The following MCHR1 variants were observed in gnomAD, a reference collection of about 807,000 sequenced individuals.
MCHR1 encodes melanin-concentrating hormone receptor 1.
MCHR1 carries 13 observed loss-of-function variants against 20.4 expected under a neutral mutation model. The observed-to-expected ratio is 0.64, with a 90% CI of 0.41 to 1.01. MCHR1 has a LOEUF of 1.01. Ranked by LOEUF, MCHR1 falls within the 50% of genes least tolerant of loss-of-function variation. MCHR1 has a pLI of 0.00. For synonymous variants in MCHR1, 215 were observed against 204.4 expected (o/e 1.05, Z -0.44); for missense variants, 472 against 477.0 (o/e 0.99, Z 0.10).
At position 40,682,005 on chromosome 22, in the gene MCHR1, C is replaced by T; in HGVS notation, c.*77C>T. On this transcript the variant is annotated 3_prime_UTR_variant, in exon 2 of 2. Coordinates refer to ENST00000249016, the MANE Select transcript of MCHR1 (RefSeq NM_005297.4). ...ACCGGGAGAGATGCTGAGAAAAACC[C>T]AAGACCGCTCGGGAAATGCAGGAAG... 6.4e-7 allele frequency: 1 copy of T among 1,573,954 alleles called. No homozygotes were observed. Among genetic ancestry groups the T allele is most frequent in the Admixed American group, 1.7e-5 (1 of 58,434 alleles).
At position 40,681,379 on chromosome 22, in the gene MCHR1, C is replaced by T. The variant is rs764830871; in HGVS notation, c.513C>T (p.Ser171=). Residue 171 remains serine, a synonymous_variant, in exon 2 of 2, where the codon TCC becomes TCT. Coordinates refer to ENST00000249016, the MANE Select transcript of MCHR1 (RefSeq NM_005297.4). The surrounding 1 kb of genome is among the most constrained non-coding windows in gnomAD (Gnocchi z 4.3). ...TLVICLLWAL[S]FISITPVWLY... ...TGATCTGCCTCCTGTGGGCCCTCTCCTTCATCAGCATCACCCCTGTGTGGC... is the reference window on the plus strand; with the variant it reads ...TGATCTGCCTCCTGTGGGCCCTCTCTTTCATCAGCATCACCCCTGTGTGGC... 6.2e-7 allele frequency: 1 copy of T among 1,614,236 alleles called. No homozygotes were observed.
chr22:40,680,863 G>A lies in MCHR1; in HGVS notation c.83-86G>A, dbSNP rs868216323. 2.3e-5 allele frequency: 36 copies of A among 1,588,552 alleles called. 1 individual carries two copies. The South Asian group carries it at 2.5e-4, about 11-fold the overall frequency. On this transcript the variant is annotated intron_variant, in intron 1 of 1. Coordinates refer to ENST00000249016, the MANE Select transcript of MCHR1 (RefSeq NM_005297.4). ...GAGGATTCCAGATGAACGGTGGGTC[G>A]CTGGAGGCTGAGCATGCCAGCAGGA...
chr22:40,679,873 G>A, intron 1 of MCHR1, 139 bp downstream of exon 1: 1 of 988,786 alleles, frequency 1.0e-6, no homozygotes, highest in Non-Finnish European at 1.6e-6. Flanking sequence ...CTGAGGGGCA[G>A]GAGAAAAGGG....
rs1172459383 is a variant in MCHR1 at position 40,681,725 on chromosome 22, C to T, written c.859C>T (p.Leu287Phe). The T allele has an allele frequency of 1.4e-5, 22 of 1,614,278 alleles. No homozygotes were observed. Among genetic ancestry groups the T allele is most frequent in the Non-Finnish European group, 1.8e-5 (21 of 1,180,056 alleles). Reference sequence around the variant, plus strand: ...CCAGTTGTCCATCAGCCGCCCGACCCTCACCTTTGTCTACTTATACAATGC... The same window carrying T: ...CCAGTTGTCCATCAGCCGCCCGACCTTCACCTTTGTCTACTTATACAATGC... The part of the protein sequence containing the change: ...LTQLSISRPT[L>F]TFVYLYNAAI... The change falls in exon 2 of 2, where the codon CTC (leucine) becomes TTC (phenylalanine). Residue 287 changes from leucine (L) to phenylalanine (F), a missense_variant. Transcript: ENST00000249016. This position sits in a 1 kb window ranked among gnomAD's most constrained non-coding sequence, Gnocchi z 4.3.
rs201895311 is a variant in MCHR1 at position 40,681,117 on chromosome 22, A to C, written c.251A>C (p.Asn84Thr). The change falls in exon 2 of 2, where the codon AAC (asparagine) becomes ACC (threonine). Residue 84 changes from asparagine (N) to threonine (T), a missense_variant. Coordinates refer to ENST00000249016, the MANE Select transcript of MCHR1 (RefSeq NM_005297.4). This position sits in a 1 kb window ranked among gnomAD's most constrained non-coding sequence, Gnocchi z 4.3. ...AACGTCCCCGACATCTTCATCATCA[A>C]CCTCTCGGTAGTAGATCTCCTCTTT... Reference protein sequence around the residue: ...CNNVPDIFIINLSVVDLLFLL... With the variant: ...CNNVPDIFIITLSVVDLLFLL... 9 of 1,612,530 alleles carry C rather than the reference A, an allele frequency of 5.6e-6. No homozygotes were observed. The South Asian group carries it at 8.8e-5, about 16-fold the overall frequency.
chr22:40,679,777 A>G (rs1602542773), intron 1 of MCHR1, 43 bp downstream of exon 1: 3 of 1,609,022 alleles, frequency 1.9e-6, no homozygotes, highest in Non-Finnish European at 2.6e-6. Context: ...CTGTGGGTGG[A>G]AAATGGGAAG....
chr22:40,680,591 CAT>C (rs66461121), intron 1 of MCHR1, among the ~76,000 whole-genome samples: 70,306 of 150,532 alleles, frequency 0.47, 18,412 homozygotes, highest in East Asian at 0.96. Flanking sequence ...CACACACACA[CAT>C]ACACAGACAC....
At position 40,681,931 on chromosome 22, in the gene MCHR1, C is replaced by A. The variant is rs201517100; in HGVS notation, c.*3C>A. 16 of 1,603,870 alleles carry A rather than the reference C, an allele frequency of 1.0e-5. No individual in the cohort carries two copies. The highest frequency in any genetic ancestry group is 1.4e-5 in the Non-Finnish European group (16 of 1,180,000). ...GGACAGAAAGCAAAGGCACCTGATA[C>A]TTCCCCTGCCACCCTGCACACCTCC... On this transcript the variant is annotated 3_prime_UTR_variant, in exon 2 of 2. Coordinates refer to ENST00000249016, the MANE Select transcript of MCHR1 (RefSeq NM_005297.4). The surrounding 1 kb of genome is among the most constrained non-coding windows in gnomAD (Gnocchi z 4.3).
At chr22:40,680,207 A>G (rs2056872056) in intron 1 of MCHR1, 2 of 210,110 alleles carry the variant, frequency 9.5e-6, no homozygotes, top group African/African-American at 4.6e-5. Context: ...TGAGGGGATT[A>G]ACTTTTCTGG....
At position 40,680,935 on chromosome 22, in the gene MCHR1, C is replaced by T. The variant is rs200119224; in HGVS notation, c.83-14C>T. On this transcript the variant is annotated splice_polypyrimidine_tract_variant and intron_variant, in intron 1 of 1. Transcript: ENST00000249016. ...CCATGTCAAACAGCCAACGCTTGCTCCTTCTGTCCCCAGGATCACCTCCTC... is the reference window on the plus strand; with the variant it reads ...CCATGTCAAACAGCCAACGCTTGCTTCTTCTGTCCCCAGGATCACCTCCTC... The T allele has an allele frequency of 1.9e-6, 3 of 1,613,616 alleles. No individual in the cohort carries two copies. Among genetic ancestry groups the T allele is most frequent in the Non-Finnish European group, 2.5e-6 (3 of 1,180,020 alleles).
Position 40,682,138 on chromosome 22 carries a change from C to T in MCHR1, c.*210C>T. The T allele has an allele frequency of 3.2e-6, 2 of 628,820 alleles. No homozygotes were observed. Among genetic ancestry groups the T allele is most frequent in the South Asian group, 1.9e-5 (1 of 53,846 alleles). The allele number at this position is 628,820 out of a possible 1,614,324, so 39.0% of individuals were successfully genotyped here. A position where few individuals can be genotyped will look rare whatever the true frequency, so the allele number is the denominator to read the frequency against. ...TGGGGTTTTCAGATATCAGAAATCC[C>T]CTTGGGGGAGCAGGATGAGACCTTT... On this transcript the variant is annotated 3_prime_UTR_variant, in exon 2 of 2. Transcript: ENST00000249016.
At position 40,681,569 on chromosome 22, in the gene MCHR1, A is replaced by G. The variant is rs200275025; in HGVS notation, c.703A>G (p.Met235Val). The G allele has an allele frequency of 1.9e-6, 3 of 1,613,674 alleles. No homozygotes were observed. Among genetic ancestry groups the G allele is most frequent in the Non-Finnish European group, 1.7e-6 (2 of 1,180,048 alleles). Reference sequence around the variant, plus strand: ...CGCATACGTGAGGATCCTGCAGCGCATGACGTCCTCAGTGGCCCCCGCCTC... The same window carrying G: ...CGCATACGTGAGGATCCTGCAGCGCGTGACGTCCTCAGTGGCCCCCGCCTC... ...TAAYVRILQR[M>V]TSSVAPASQR... The change falls in exon 2 of 2, where the codon ATG becomes GTG. Residue 235 changes from methionine to valine, a missense_variant. By Grantham distance (21) the Met-to-Val change is conservative. Transcript: ENST00000249016. This position sits in a 1 kb window ranked among gnomAD's most constrained non-coding sequence, Gnocchi z 4.3.
rs370207835 is a variant in MCHR1 at position 40,681,600 on chromosome 22, G to A, written c.734G>A (p.Arg245His). 8.7e-6 allele frequency: 14 copies of A among 1,613,924 alleles called. No individual in the cohort carries two copies. Among genetic ancestry groups the A allele is most frequent in the East Asian group, 4.5e-5 (2 of 44,896 alleles). ...TCCTCAGTGGCCCCCGCCTCCCAGC[G>A]CAGCATCCGGCTGCGGACAAAGAGG... ...MTSSVAPASQ[R>H]SIRLRTKRVT... is the part of the protein sequence containing the mutation. Residue 245 changes from arginine (R) to histidine (H), a missense_variant, in exon 2 of 2, where the codon CGC becomes CAC. Transcript: ENST00000249016. This position sits in a 1 kb window ranked among gnomAD's most constrained non-coding sequence, Gnocchi z 4.3.
intron 1 of MCHR1, chr22:40,680,640 T>C: frequency 2.7e-6 from 1 of 373,478 alleles, no homozygotes; most frequent in Non-Finnish European, 3.7e-6. Context: ...TGACGAGTTT[T>C]CCTGGTGAAG....
chr22:40,681,283 T>G lies in MCHR1; in HGVS notation c.417T>G (p.Ile139Met). ...TSTYILTAMA[I>M]DRYLATVHPI... Reference sequence around the variant, plus strand: ...CCTACATCCTGACCGCCATGGCCATTGACCGCTACCTGGCCACTGTCCACC... The same window carrying G: ...CCTACATCCTGACCGCCATGGCCATGGACCGCTACCTGGCCACTGTCCACC... Residue 139 changes from isoleucine (I) to methionine (M), a missense_variant, in exon 2 of 2, where the codon ATT becomes ATG. Ile to Met is a conservative substitution (Grantham distance 10, BLOSUM62 1). Coordinates refer to ENST00000249016, the MANE Select transcript of MCHR1 (RefSeq NM_005297.4). The surrounding 1 kb of genome is among the most constrained non-coding windows in gnomAD (Gnocchi z 4.3). The G allele has an allele frequency of 1.2e-6, 2 of 1,614,170 alleles. No homozygotes were observed. The highest frequency in any genetic ancestry group is 2.2e-5 in the South Asian group (2 of 91,084).
chr22:40,682,385 C>T lies in MCHR1; in HGVS notation c.*457C>T, dbSNP rs1437250705. The T allele has an allele frequency of 6.6e-5, 12 of 181,738 alleles. No homozygotes were observed. The South Asian group carries it at 7.6e-4, about 12-fold the overall frequency. The allele number at this position is 181,738 out of a possible 1,614,324, so 11.3% of individuals were successfully genotyped here. ...CGCTCTTTCCCGCCTCTCACTGGTG[C>T]GATGGAAGGTGGCCTTTCTCCCAAG... On this transcript the variant is annotated 3_prime_UTR_variant, in exon 2 of 2. Coordinates refer to ENST00000249016, the MANE Select transcript of MCHR1 (RefSeq NM_005297.4).
intron 1 of MCHR1, chr22:40,680,256 C>CTG (rs1448035458): frequency 5.3e-6 from 1 of 189,812 alleles, no homozygotes; most frequent in Non-Finnish European, 1.1e-5. Flanking sequence ...CTGCGGTGCC[C>CTG]TGGGATTCCA....
In MCHR1 at chr22:40,681,627, T is replaced by C. The variant is rs780393140; in HGVS notation, c.761T>C (p.Val254Ala). 5.6e-6 allele frequency: 9 copies of C among 1,613,948 alleles called. No homozygotes were observed. Among genetic ancestry groups the C allele is most frequent in the Non-Finnish European group, 5.9e-6 (7 of 1,180,038 alleles). The change falls in exon 2 of 2, where the codon GTG becomes GCG. Residue 254 changes from valine (V) to alanine (A), a missense_variant. Coordinates refer to ENST00000249016, the MANE Select transcript of MCHR1 (RefSeq NM_005297.4). The surrounding 1 kb of genome is among the most constrained non-coding windows in gnomAD (Gnocchi z 4.3). ...QRSIRLRTKR[V>A]TRTAIAICLV... ...AGCATCCGGCTGCGGACAAAGAGGGTGACCCGCACAGCCATCGCCATCTGT... is the reference window on the plus strand; with the variant it reads ...AGCATCCGGCTGCGGACAAAGAGGGCGACCCGCACAGCCATCGCCATCTGT...
rs201404111 is a variant in MCHR1 at position 40,681,606 on chromosome 22, T to A, written c.740T>A (p.Ile247Asn). The change falls in exon 2 of 2, where the codon ATC (isoleucine) becomes AAC (asparagine). Residue 247 changes from isoleucine (I) to asparagine (N), a missense_variant. Physicochemically the swap from Ile to Asn is moderately radical, Grantham distance 149. Coordinates refer to ENST00000249016, the MANE Select transcript of MCHR1 (RefSeq NM_005297.4). This position sits in a 1 kb window ranked among gnomAD's most constrained non-coding sequence, Gnocchi z 4.3. ...SSVAPASQRS[I>N]RLRTKRVTRT... is the part of the protein sequence containing the mutation. ...GTGGCCCCCGCCTCCCAGCGCAGCA[T>A]CCGGCTGCGGACAAAGAGGGTGACC... 6.2e-7 allele frequency: 1 copy of A among 1,614,152 alleles called. No homozygotes were observed. Among genetic ancestry groups the A allele is most frequent in the African/African-American group, 1.3e-5 (1 of 75,080 alleles).
Sources: allele counts gnomAD v4.1 joint callset (sites outside exome capture counted in the v4.1 genomes callset), GRCh38; gene constraint gnomAD v4.1.1; non-coding constraint Gnocchi (gnomAD v3.1); transcripts MANE v1.5; gene names NCBI Gene and HGNC (gene_info 2026-07-23, HGNC 2026-07-21).